Variants in RALYL observed in about 807,000 individuals in gnomAD.
RALYL encodes RNA-binding Raly-like protein.
In RALYL, 29 loss-of-function variants were observed where a neutral mutation model predicts 35.1. That is an observed-to-expected ratio of 0.83 (90% CI 0.61 to 1.13). The LOEUF is 1.13. RALYL is among the 50% of genes most tolerant of loss of function. The pLI is 0.00. For missense variants in RALYL, 359 were observed against 360.4 expected, an observed-to-expected ratio of 1.00 and a Z score of 0.03; for synonymous variants, 120 against 127.6, an observed-to-expected ratio of 0.94 and a Z score of 0.40.
At chr8:84,605,858 G>A (rs567505841) in intron 2 of RALYL, among the ~76,000 whole-genome samples, 8 of 152,220 alleles carry the variant, frequency 5.3e-5, no homozygotes, top group East Asian at 1.9e-4. Context: ...TATGATGCTC[G>A]TGGCTAAGTA....
intron 8 of RALYL, among the ~76,000 whole-genome samples, chr8:84,907,308 C>T (rs1374437870): frequency 4.1e-5 from 2 of 48,966 alleles, no homozygotes; most frequent in African/African-American, 1.1e-4. Context: ...TAAGATATAG[C>T]GTCACACACA....
chr8:84,334,293 C>T lies in RALYL; in HGVS notation c.-24+149869C>T, dbSNP rs184063129. On this transcript the variant is annotated intron_variant, in intron 1 of 8. Transcript: ENST00000521268. ...ATTTGATCATCAGGAAATGTACTGA[C>T]AGGTAAAAAGTTGATAATTAAATTT... 1.1e-3 allele frequency among the ~76,000 whole-genome samples: 172 copies of T among 152,080 alleles called. 5 individuals carry two copies. In the South Asian group the frequency reaches 0.032, roughly 28 times the overall value.
chr8:84,218,165 T>C (rs1280071544), intron 1 of RALYL, among the ~76,000 whole-genome samples: 1 of 152,100 alleles, frequency 6.6e-6, no homozygotes, highest in Non-Finnish European at 1.5e-5. Flanking sequence ...AGACTAGTCA[T>C]AGAAAATTTA....
chr8:84,828,837 G>A lies in RALYL; in HGVS notation c.366-21143G>A, dbSNP rs118006110. ...GAGTTGTCATGGCAACACTGTCACC[G>A]AGTCACATCTTCCACAACTGTAACA... On this transcript the variant is annotated intron_variant, in intron 4 of 8. Coordinates refer to ENST00000521268, the MANE Select transcript of RALYL (RefSeq NM_173848.7). 910 of 153,938 alleles carry A rather than the reference G, an allele frequency of 5.9e-3. 3 individuals are homozygous for A. The highest frequency in any genetic ancestry group is 8.0e-3 in the Non-Finnish European group (544 of 68,302). 9.5% of individuals were successfully genotyped at this position (153,938 alleles called of 1,614,324 possible).
intron 2 of RALYL, among the ~76,000 whole-genome samples, chr8:84,680,812 C>A (rs1308052639): frequency 6.6e-6 from 1 of 151,694 alleles, no homozygotes; most frequent in African/African-American, 2.4e-5. Flanking sequence ...CTTGTTCACT[C>A]TGTTGGTAGT....
chr8:84,200,598 G>GAC (rs1816620932), intron 1 of RALYL, among the ~76,000 whole-genome samples: 1 of 151,962 alleles, frequency 6.6e-6, no homozygotes, highest in African/African-American at 2.4e-5. Flanking sequence ...CAACAGTTTT[G>GAC]ACATTTGTTG....
chr8:84,514,481 G>C (rs1205470796), intron 1 of RALYL, among the ~76,000 whole-genome samples: 1 of 152,174 alleles, frequency 6.6e-6, no homozygotes, highest in African/African-American at 2.4e-5. Context: ...TTCTGTGTCT[G>C]TTGAGGGCCC....
chr8:84,712,102 G>A (rs977023796), intron 2 of RALYL, among the ~76,000 whole-genome samples: 2 of 152,112 alleles, frequency 1.3e-5, no homozygotes, highest in African/African-American at 4.8e-5. Flanking sequence ...TATTATTGAT[G>A]CTTGTAGGGA....
At chr8:84,261,545 C>T (rs372354780) in intron 1 of RALYL, among the ~76,000 whole-genome samples, 6 of 152,108 alleles carry the variant, frequency 3.9e-5, no homozygotes, top group East Asian at 1.9e-4. Context: ...CCTGCAAAAC[C>T]GTGAGTCAAT....
chr8:84,640,150 T>G (rs1304256897), intron 2 of RALYL, among the ~76,000 whole-genome samples: 1 of 151,956 alleles, frequency 6.6e-6, no homozygotes, highest in East Asian at 1.9e-4. Flanking sequence ...AACAGAAACA[T>G]AGGTCATTGT....
chr8:84,567,047 A>T (rs752039682), intron 2 of RALYL, among the ~76,000 whole-genome samples: 12 of 151,778 alleles, frequency 7.9e-5, no homozygotes, highest in Non-Finnish European at 1.5e-4. Context: ...TAAAGTAATT[A>T]AAGTTATCAG....
chr8:84,533,833 G>A (rs77597170), intron 2 of RALYL, among the ~76,000 whole-genome samples: 3 of 152,290 alleles, frequency 2.0e-5, no homozygotes, highest in South Asian at 2.1e-4. Flanking sequence ...GGAAGTAATG[G>A]AATTGTCTTA....
chr8:84,345,992 C>A, intron 1 of RALYL: 2 of 715,560 alleles, frequency 2.8e-6, no homozygotes, highest in Non-Finnish European at 3.4e-6. Context: ...CGTTGATTTA[C>A]CTCCTTGGGA....
chr8:84,393,567 T>A (rs928021630), intron 1 of RALYL, among the ~76,000 whole-genome samples: 2 of 152,188 alleles, frequency 1.3e-5, no homozygotes, highest in Middle Eastern at 3.4e-3. Flanking sequence ...AGGAGACCAC[T>A]GGCGGTCATT....
chr8:84,645,820 A>G (rs1214135071), intron 2 of RALYL, among the ~76,000 whole-genome samples: 1 of 151,996 alleles, frequency 6.6e-6, no homozygotes, highest in African/African-American at 2.4e-5. Flanking sequence ...CTTCTGCTTC[A>G]TGTTGGTTTT....
chr8:84,691,565 T>A (rs748906521), intron 2 of RALYL, among the ~76,000 whole-genome samples: 1 of 152,018 alleles, frequency 6.6e-6, no homozygotes, highest in Admixed American at 6.6e-5. Flanking sequence ...CAGCCCCATT[T>A]AATTAAAGAA....
intron 1 of RALYL, among the ~76,000 whole-genome samples, chr8:84,515,513 C>A (rs1274341924): frequency 2.0e-5 from 3 of 152,060 alleles, no homozygotes; most frequent in Non-Finnish European, 4.4e-5. Flanking sequence ...CAACAGTAGT[C>A]AAAACTATTT....
At chr8:84,622,322 G>A (rs1821716326) in intron 2 of RALYL, among the ~76,000 whole-genome samples, 1 of 152,102 alleles carries the variant, frequency 6.6e-6, no homozygotes, top group Non-Finnish European at 1.5e-5. Flanking sequence ...GAATATAAAA[G>A]TGTTTGCTTT....
intron 4 of RALYL, among the ~76,000 whole-genome samples, chr8:84,821,020 T>C (rs2134232941): frequency 6.6e-6 from 1 of 152,314 alleles, no homozygotes; most frequent in Middle Eastern, 3.4e-3. Flanking sequence ...AAATAAGTGC[T>C]TTGATTTCAC....
Sources: gnomAD v4.1 joint callset for allele counts (sites outside exome capture counted in the v4.1 genomes callset) on GRCh38, gnomAD v4.1.1 for gene constraint, MANE v1.5 for transcripts, NCBI Gene and HGNC (gene_info 2026-07-23, HGNC 2026-07-21) for gene names.